GPC6: variants seen among roughly 807,000 people sequenced by gnomAD.
GPC6 encodes glypican 6, also known as glypican-6.
Under a neutral mutation model 55.2 loss-of-function variants are expected in GPC6, and 14 were observed. The ratio of observed to expected loss-of-function variants is 0.25; its 90% CI spans 0.17 to 0.40. GPC6 has a LOEUF of 0.40. GPC6 is among the 10% of genes least tolerant of loss of function. GPC6 has a pLI of 1.00. For missense variants in GPC6, 641 were observed against 708.5 expected (o/e 0.90, Z 1.08); for synonymous variants, 278 against 259.6 (o/e 1.07, Z -0.68).
intron 1 of GPC6, among the ~76,000 whole-genome samples, chr13:93,284,121 TA>T (rs1188374228): frequency 1.3e-5 from 2 of 152,220 alleles, no homozygotes; most frequent in Non-Finnish European, 2.9e-5. Context: ...GATTAAAACA[TA>T]TAGTTTATTG....
chr13:94,257,002 T>C (rs1179745576), intron 4 of GPC6, among the ~76,000 whole-genome samples: 9 of 152,234 alleles, frequency 5.9e-5, no homozygotes, highest in African/African-American at 2.2e-4. Context: ...AGGCTTTCTT[T>C]TCTGATCTGA....
chr13:93,569,749 G>C (rs549384203), intron 2 of GPC6, among the ~76,000 whole-genome samples: 2 of 152,048 alleles, frequency 1.3e-5, no homozygotes, highest in South Asian at 4.2e-4. Flanking sequence ...AATGTTATTT[G>C]TATACTTTTT....
chr13:93,445,455 C>G (rs1381906154), intron 1 of GPC6, among the ~76,000 whole-genome samples: 1 of 152,156 alleles, frequency 6.6e-6, no homozygotes, highest in Admixed American at 6.5e-5. Flanking sequence ...ACATCTAACT[C>G]AGTTCTGATG....
intron 1 of GPC6, among the ~76,000 whole-genome samples, chr13:93,453,893 G>C (rs182519360): frequency 6.6e-6 from 1 of 152,112 alleles, no homozygotes; most frequent in Admixed American, 6.5e-5. Flanking sequence ...GGACCTGAGC[G>C]GGCTGCCACT....
At chr13:93,736,490 T>C (rs1363082760) in intron 2 of GPC6, among the ~76,000 whole-genome samples, 1 of 152,196 alleles carries the variant, frequency 6.6e-6, no homozygotes, top group Non-Finnish European at 1.5e-5. Context: ...TAGAAAACAG[T>C]CTGAATAACA....
intron 4 of GPC6, among the ~76,000 whole-genome samples, chr13:94,036,574 G>A (rs1241753461): frequency 2.0e-5 from 3 of 151,926 alleles, no homozygotes; most frequent in African/African-American, 4.8e-5. Flanking sequence ...CTCAAGGCTC[G>A]GGAAATTAGC....
intron 2 of GPC6, among the ~76,000 whole-genome samples, chr13:93,683,970 C>G (rs1881948439): frequency 1.3e-5 from 2 of 152,048 alleles, no homozygotes; most frequent in Admixed American, 1.3e-4. Context: ...AGAAAGCAGA[C>G]AGAAGAAGCA....
chr13:94,117,004 T>C (rs539946533), intron 4 of GPC6, among the ~76,000 whole-genome samples: 1 of 152,168 alleles, frequency 6.6e-6, no homozygotes, highest in East Asian at 1.9e-4. Flanking sequence ...CAGTACTATG[T>C]TTCTGAAGCC....
intron 4 of GPC6, among the ~76,000 whole-genome samples, chr13:94,138,849 T>A (rs1227668600): frequency 6.6e-6 from 1 of 152,090 alleles, no homozygotes; most frequent in African/African-American, 2.4e-5. Flanking sequence ...ATAATGTCTG[T>A]CATTAGGGGC....
intron 1 of GPC6, among the ~76,000 whole-genome samples, chr13:93,504,742 A>G (rs2813593): frequency 0.11 from 16,984 of 152,118 alleles, 1,389 homozygotes; most frequent in East Asian, 0.48. Flanking sequence ...ATTACCAATA[A>G]TTATCTAAAA....
chr13:93,287,440 A>G (rs1878173808), intron 1 of GPC6, among the ~76,000 whole-genome samples: 1 of 152,122 alleles, frequency 6.6e-6, no homozygotes, highest in South Asian at 2.1e-4. Flanking sequence ...GTCTGTTCTC[A>G]CCCAGGAATT....
At chr13:94,108,329 G>A (rs985517051) in intron 4 of GPC6, among the ~76,000 whole-genome samples, 10 of 152,070 alleles carry the variant, frequency 6.6e-5, no homozygotes, top group Non-Finnish European at 1.5e-4. Flanking sequence ...ATAAATAGGA[G>A]CCAAACTATG....
chr13:93,292,751 CTT>C (rs1216000604), intron 1 of GPC6, among the ~76,000 whole-genome samples: 1 of 151,886 alleles, frequency 6.6e-6, no homozygotes, highest in Non-Finnish European at 1.5e-5. Context: ...TAGTAAGAAA[CTT>C]AAGATAATTT....
chr13:93,399,924 G>A (rs1876007412), intron 1 of GPC6, among the ~76,000 whole-genome samples: 1 of 152,110 alleles, frequency 6.6e-6, no homozygotes, highest in Admixed American at 6.5e-5. Context: ...TAGAACTTAG[G>A]GAGTTTCAGG....
At chr13:93,455,094 A>G (rs1445547814) in intron 1 of GPC6, among the ~76,000 whole-genome samples, 1 of 152,122 alleles carries the variant, frequency 6.6e-6, no homozygotes, top group Admixed American at 6.5e-5. Context: ...AGGGCCCGCC[A>G]AGCCCACGCC....
intron 1 of GPC6, among the ~76,000 whole-genome samples, chr13:93,401,155 CGTGTGTGTGTGTGTGTGTGT>C (rs5805802): frequency 2.1e-5 from 3 of 143,452 alleles, no homozygotes; most frequent in Non-Finnish European, 3.0e-5. Context: ...AGGTATTTGT[CGTGTGTGTGTGTGTGTGTGT>C]GTGTGTGTGT....
At chr13:94,027,280 G>A (rs920432104) in intron 3 of GPC6, among the ~76,000 whole-genome samples, 1 of 152,122 alleles carries the variant, frequency 6.6e-6, no homozygotes, top group Admixed American at 6.5e-5. Flanking sequence ...AGAGATCTCA[G>A]ACAAGTTGAT....
chr13:93,276,495 A>AGAGAGTGT (rs1365006783), intron 1 of GPC6, among the ~76,000 whole-genome samples: 51 of 94,446 alleles, frequency 5.4e-4, no homozygotes, highest in African/African-American at 1.5e-3. Context: ...AGAGAGAGAG[A>AGAGAGTGT]GTGTGTGTGT....
chr13:93,811,908 C>G (rs990445883), intron 2 of GPC6, among the ~76,000 whole-genome samples: 1 of 152,126 alleles, frequency 6.6e-6, no homozygotes, highest in Admixed American at 6.5e-5. Context: ...CATCCCTACC[C>G]TGCAGCCACA....
Sources: gnomAD v4.1 joint callset for allele counts (sites outside exome capture counted in the v4.1 genomes callset) on GRCh38, gnomAD v4.1.1 for gene constraint, MANE v1.5 for transcripts, NCBI Gene and HGNC (gene_info 2026-07-23, HGNC 2026-07-21) for gene names.